The following THRB variants were observed in gnomAD, a reference collection of about 807,000 sequenced individuals.
THRB encodes the protein nuclear receptor subfamily 1 group A member 2.
THRB carries 12 observed loss-of-function variants against 47.8 expected under a neutral mutation model. The ratio of observed to expected loss-of-function variants is 0.25; its 90% CI spans 0.16 to 0.41. The LOEUF is 0.41. Ranked by LOEUF, THRB falls within the 10% of genes least tolerant of loss-of-function variation. THRB has a pLI of 1.00. For synonymous variants in THRB, 218 were observed against 212.2 expected, an observed-to-expected ratio of 1.03 and a Z score of -0.24; for missense variants, 348 against 589.2, an observed-to-expected ratio of 0.59 and a Z score of 4.24.
chr3:24,404,980 A>G (rs1412809679), intron 1 of THRB, among the ~76,000 whole-genome samples: 2 of 152,002 alleles, frequency 1.3e-5, no homozygotes, highest in Non-Finnish European at 2.9e-5. Flanking sequence ...ATCATTAAAG[A>G]AAAAACAAGC....
rs746323691 is a variant in THRB, at chr3:24,481,229, GTTTTT to G, written c.-261+13418_-261+13422del. Among the ~76,000 whole-genome samples, 214 of 55,352 alleles carry G rather than the reference GTTTTT, an allele frequency of 3.9e-3. 1 individual carries two copies. The highest frequency in any genetic ancestry group is 0.014 in the African/African-American group (180 of 13,064). 36.3% of individuals were successfully genotyped at this position (55,352 alleles called of 152,430 possible). A position where few individuals can be genotyped will look rare whatever the true frequency, so the allele number is the denominator to read the frequency against. On this transcript the variant is annotated intron_variant, in intron 1 of 10. Transcript: ENST00000646209. ...TATATGTGTGGATGCGTTTCTTTCT[GTTTTT>G]TTTTTTTTTTTTTTTTTTTTTTTAC...
At chr3:24,218,581 G>A (rs368350541) in intron 4 of THRB, among the ~76,000 whole-genome samples, 1 of 151,610 alleles carries the variant, frequency 6.6e-6, no homozygotes, top group African/African-American at 2.4e-5. Context: ...AATTCTGTTG[G>A]CTGTTTTCTC....
At chr3:24,287,669 T>G (rs2055462758) in intron 3 of THRB, among the ~76,000 whole-genome samples, 1 of 152,184 alleles carries the variant, frequency 6.6e-6, no homozygotes, top group African/African-American at 2.4e-5. Context: ...TTGAGAATCT[T>G]TATTATGACA....
intron 4 of THRB, 49 bp downstream of exon 4, chr3:24,228,889 T>C (rs185152830): frequency 4.5e-5 from 70 of 1,558,482 alleles, no homozygotes; most frequent in Non-Finnish European, 5.6e-5. Flanking sequence ...TCACTCTAGG[T>C]GGAACAAAAA....
chr3:24,147,673 G>A (rs530953006), intron 6 of THRB, among the ~76,000 whole-genome samples: 1 of 152,260 alleles, frequency 6.6e-6, no homozygotes, highest in East Asian at 1.9e-4. Flanking sequence ...TCAAGTTGAG[G>A]CAACTGTCAT....
chr3:24,349,385 G>A (rs555874628), intron 1 of THRB, among the ~76,000 whole-genome samples: 2 of 151,946 alleles, frequency 1.3e-5, no homozygotes, highest in East Asian at 3.9e-4. Flanking sequence ...AAATAGCAAT[G>A]AGCCAAGAAT....
At chr3:24,239,207 G>T (rs956907492) in intron 3 of THRB, among the ~76,000 whole-genome samples, 8 of 152,174 alleles carry the variant, frequency 5.3e-5, no homozygotes, top group African/African-American at 1.9e-4. Context: ...ATCTGAAAGT[G>T]CTGGGATTAC....
In THRB at chr3:24,190,312, G is replaced by A; in HGVS notation, c.45C>T (p.Asp15=). 9 of 1,614,058 alleles carry A rather than the reference G, an allele frequency of 5.6e-6. No homozygotes were observed. The highest frequency in any genetic ancestry group is 4.5e-5 in the East Asian group (2 of 44,876). The stretch of plus-strand genomic sequence containing the variant: ...CTCGGTCTGGACAGTGCTTCGGTTT[G>A]TCCCAGGCTGTAAGGCCATTTTCTA... ...SMTENGLTAW[D]KPKHCPDREH... Residue 15 remains aspartate (D), a synonymous_variant, in exon 5 of 11, where the codon GAC becomes GAT. Transcript: ENST00000646209.
intron 2 of THRB, among the ~76,000 whole-genome samples, chr3:24,304,208 T>C (rs1045314170): frequency 1.3e-5 from 2 of 152,184 alleles, no homozygotes; most frequent in African/African-American, 4.8e-5. Flanking sequence ...AATAGATTTG[T>C]ACACAGAACT....
intron 4 of THRB, among the ~76,000 whole-genome samples, chr3:24,206,495 T>C (rs1033116026): frequency 1.3e-5 from 2 of 151,868 alleles, no homozygotes; most frequent in Admixed American, 6.6e-5. Flanking sequence ...GGGACACATT[T>C]AAAGCAGTGT....
intron 4 of THRB, among the ~76,000 whole-genome samples, chr3:24,215,873 A>G (rs1024257841): frequency 6.6e-6 from 1 of 152,114 alleles, no homozygotes; most frequent in African/African-American, 2.4e-5. Flanking sequence ...GAAGTCCTAG[A>G]GGTAGATGGG....
At chr3:24,209,471 A>G (rs1242979985) in intron 4 of THRB, among the ~76,000 whole-genome samples, 1 of 152,228 alleles carries the variant, frequency 6.6e-6, no homozygotes, top group Non-Finnish European at 1.5e-5. Context: ...TGTGGCACAT[A>G]TACACCATGG....
At chr3:24,182,168 T>G (rs931958509) in intron 5 of THRB, among the ~76,000 whole-genome samples, 4 of 151,874 alleles carry the variant, frequency 2.6e-5, no homozygotes, top group Non-Finnish European at 5.9e-5. Flanking sequence ...GCCACTGCAC[T>G]CCAGCCTGGG....
intron 6 of THRB, among the ~76,000 whole-genome samples, chr3:24,149,894 A>G (rs1484200390): frequency 6.6e-6 from 1 of 152,346 alleles, no homozygotes; most frequent in Non-Finnish European, 1.5e-5. Context: ...CATATATTTC[A>G]TTGATGATTT....
At chr3:24,331,625 G>A (rs2061936346) in intron 2 of THRB, among the ~76,000 whole-genome samples, 1 of 151,938 alleles carries the variant, frequency 6.6e-6, no homozygotes, top group Non-Finnish European at 1.5e-5. Context: ...ATGTGTGTAT[G>A]AATATACATA....
rs768009297 is a variant in THRB at position 24,190,093 on chromosome 3, C to T, written c.264G>A (p.Thr88=). The change falls in exon 5 of 11, where the codon ACG becomes ACA. Residue 88 remains threonine, a synonymous_variant. Transcript: ENST00000646209. ...GGTTACCTTTACATTTCTTCTCCTC[C>T]GTTTGGAAGGTCTGGGCACTTGAGA... ...QSVSSAQTFQ[T]EEKKCKGYIP... is the part of the protein sequence containing the mutation. 7.4e-6 allele frequency: 12 copies of T among 1,613,852 alleles called. No homozygotes were observed. Among genetic ancestry groups the T allele is most frequent in the Admixed American group, 1.7e-5 (1 of 59,986 alleles).
intron 1 of THRB, among the ~76,000 whole-genome samples, chr3:24,395,849 G>A (rs1354263013): frequency 6.6e-6 from 1 of 152,054 alleles, no homozygotes; most frequent in East Asian, 1.9e-4. Flanking sequence ...TAGCCAAAAA[G>A]TTAGAGCAAC....
chr3:24,263,246 A>G (rs896553635), intron 3 of THRB, among the ~76,000 whole-genome samples: 2 of 152,000 alleles, frequency 1.3e-5, no homozygotes, highest in African/African-American at 2.4e-5. Context: ...TTTTCACCCA[A>G]CAGCTGCCAT....
At chr3:24,155,064 T>G (rs2037607637) in intron 5 of THRB, among the ~76,000 whole-genome samples, 1 of 152,232 alleles carries the variant, frequency 6.6e-6, no homozygotes, top group Non-Finnish European at 1.5e-5. Flanking sequence ...TCATGAGACC[T>G]GCTGGCTTTA....
Sources: gnomAD v4.1 joint callset for allele counts (sites outside exome capture counted in the v4.1 genomes callset) on GRCh38, gnomAD v4.1.1 for gene constraint, MANE v1.5 for transcripts, NCBI Gene and HGNC (gene_info 2026-07-23, HGNC 2026-07-21) for gene names.